SUMF1: variants seen among roughly 807,000 people sequenced by gnomAD.
SUMF1 encodes formylglycine-generating enzyme.
In SUMF1, 48 loss-of-function variants were observed where a neutral mutation model predicts 47.6. The ratio of observed to expected loss-of-function variants is 1.01; its 90% CI spans 0.80 to 1.28. The LOEUF is 1.28. Ranked by LOEUF, SUMF1 falls within the 50% of genes most tolerant of loss-of-function variation. The probability of loss-of-function intolerance (pLI) is 0.00; values close to 1 mark genes in which losing one functional copy is unlikely to be tolerated. For synonymous variants in SUMF1, 230 were observed against 192.1 expected (o/e 1.20, Z -1.63); for missense variants, 571 against 485.4 (o/e 1.18, Z -1.66).
At chr3:4,350,332 C>T (rs866347984) in intron 8 of SUMF1, among the ~76,000 whole-genome samples, 72 of 146,462 alleles carry the variant, frequency 4.9e-4, no homozygotes, top group Non-Finnish European at 8.4e-4. Context: ...TGTGTATATG[C>T]GTGTGTGTGT....
chr3:4,417,176 C>G lies in SUMF1; in HGVS notation c.792G>C (p.Glu264Asp). The G allele has an allele frequency of 1.2e-6, 2 of 1,614,064 alleles. No homozygotes were observed. Among genetic ancestry groups the G allele is most frequent in the Non-Finnish European group, 1.7e-6 (2 of 1,179,946 alleles). The change falls in exon 6 of 9, where the codon GAG becomes GAC. Residue 264 changes from glutamate to aspartate, a missense_variant. Glu to Asp is a conservative substitution (Grantham distance 45). Coordinates refer to ENST00000272902, the MANE Select transcript of SUMF1 (RefSeq NM_182760.4). ...GQHYANIWQG[E>D]FPVTNTGEDG... ...CCTCACCAGTGTTGGTCACCGGAAACTCGCCCTGCCAAATGTTGGCATAAT... is the reference window on the plus strand; with the variant it reads ...CCTCACCAGTGTTGGTCACCGGAAAGTCGCCCTGCCAAATGTTGGCATAAT...
intron 8 of SUMF1, among the ~76,000 whole-genome samples, chr3:4,176,369 G>C (rs1415292953): frequency 6.6e-6 from 1 of 152,188 alleles, no homozygotes; most frequent in Non-Finnish European, 1.5e-5. Flanking sequence ...CTAGAAGAGA[G>C]TGGGGGCCAA....
intron 8 of SUMF1, among the ~76,000 whole-genome samples, chr3:4,283,859 AAGAC>A (rs750943012): frequency 1.1e-4 from 16 of 152,092 alleles, no homozygotes; most frequent in Non-Finnish European, 1.6e-4. Context: ...CACTTTCAAA[AAGAC>A]AGTGCCTTTT....
chr3:4,235,554 T>C (rs1286863694), intron 8 of SUMF1, among the ~76,000 whole-genome samples: 1 of 152,072 alleles, frequency 6.6e-6, no homozygotes, highest in Non-Finnish European at 1.5e-5. Flanking sequence ...ATTACGCAAG[T>C]GCTAAAAATT....
intron 8 of SUMF1, among the ~76,000 whole-genome samples, chr3:4,146,416 G>T (rs1559509581): frequency 6.6e-6 from 1 of 151,942 alleles, no homozygotes; most frequent in Non-Finnish European, 1.5e-5. Flanking sequence ...GGGGGGGAAA[G>T]GTGAATGGAG....
At chr3:4,036,849 C>CAAA (rs3048145) in intron 9 of SUMF1, among the ~76,000 whole-genome samples, 4 of 75,130 alleles carry the variant, frequency 5.3e-5, no homozygotes, top group Middle Eastern at 8.2e-3. Context: ...GTCAGTGAGG[C>CAAA]AAAAAAAAAA....
chr3:4,293,128 C>A (rs1250052711), intron 8 of SUMF1, among the ~76,000 whole-genome samples: 1 of 152,120 alleles, frequency 6.6e-6, no homozygotes, highest in Non-Finnish European at 1.5e-5. Flanking sequence ...AAGCTAGAGT[C>A]AGGGTTCAGG....
chr3:4,449,359 A>G lies in SUMF1; in HGVS notation c.445-19T>C. On this transcript the variant is annotated intron_variant, in intron 2 of 8. Coordinates refer to ENST00000272902, the MANE Select transcript of SUMF1 (RefSeq NM_182760.4). ...TCTCAGCCTATAAGGAAGGTAGGAA[A>G]TAAAAATCCAGAAAAGGTTGTAGTA... 6.2e-7 allele frequency: 1 copy of G among 1,613,688 alleles called. No individual in the cohort carries two copies. The highest frequency in any genetic ancestry group is 8.5e-7 in the Non-Finnish European group (1 of 1,179,578).
intron 8 of SUMF1, among the ~76,000 whole-genome samples, chr3:4,073,715 A>G (rs953603075): frequency 2.0e-5 from 3 of 152,138 alleles, no homozygotes; most frequent in African/African-American, 7.2e-5. Context: ...CACACTTTAA[A>G]CCAACAAAGA....
At chr3:4,304,651 C>G (rs1232139839) in intron 8 of SUMF1, among the ~76,000 whole-genome samples, 2 of 152,314 alleles carry the variant, frequency 1.3e-5, no homozygotes, top group South Asian at 4.1e-4. Flanking sequence ...CTTTAACATC[C>G]ATTATCAACA....
chr3:4,055,732 G>T (rs1417611216), intron 9 of SUMF1, among the ~76,000 whole-genome samples: 1 of 152,116 alleles, frequency 6.6e-6, no homozygotes, highest in Non-Finnish European at 1.5e-5. Context: ...GCCTCCCAAA[G>T]TGCAAGGATT....
intron 8 of SUMF1, among the ~76,000 whole-genome samples, chr3:4,248,122 T>C (rs1371670796): frequency 6.6e-6 from 1 of 152,246 alleles, no homozygotes; most frequent in African/African-American, 2.4e-5. Flanking sequence ...GATTAACTGA[T>C]ATATTTTTGT....
At chr3:4,270,127 A>G (rs1697273981) in intron 8 of SUMF1, among the ~76,000 whole-genome samples, 1 of 152,166 alleles carries the variant, frequency 6.6e-6, no homozygotes, top group South Asian at 2.1e-4. Context: ...GAACAAACGA[A>G]GAAACTGGGG....
At chr3:4,348,345 G>C (rs1170050932) in intron 8 of SUMF1, among the ~76,000 whole-genome samples, 1 of 152,070 alleles carries the variant, frequency 6.6e-6, no homozygotes, top group Non-Finnish European at 1.5e-5. Context: ...GACCAATGGA[G>C]CAGAACAGAG....
chr3:4,300,535 T>C (rs147994019), intron 8 of SUMF1, among the ~76,000 whole-genome samples: 170 of 152,352 alleles, frequency 1.1e-3, no homozygotes, highest in African/African-American at 3.7e-3. Context: ...AAGGCTGATC[T>C]TTAATTTCTG....
intron 1 of SUMF1, among the ~76,000 whole-genome samples, chr3:4,459,100 G>C (rs1490702921): frequency 6.6e-6 from 1 of 152,064 alleles, no homozygotes; most frequent in African/African-American, 2.4e-5. Context: ...TTAGATAGAA[G>C]AAATTAGCTT....
At chr3:4,316,115 C>A in intron 8 of SUMF1, 43 of 465,360 alleles carry the variant, frequency 9.2e-5, no homozygotes, top group Middle Eastern at 6.0e-4. Context: ...TATTGGAATA[C>A]ATTCTTAAAT....
At chr3:4,306,015 A>G (rs867970953) in intron 8 of SUMF1, among the ~76,000 whole-genome samples, 1 of 152,208 alleles carries the variant, frequency 6.6e-6, no homozygotes, top group Non-Finnish European at 1.5e-5. Context: ...AATTCAACAA[A>G]TATTTATTGA....
intron 8 of SUMF1, among the ~76,000 whole-genome samples, chr3:4,286,581 C>G (rs979370709): frequency 1.6e-4 from 24 of 152,024 alleles, no homozygotes; most frequent in African/African-American, 5.8e-4. Flanking sequence ...TTTCATCACA[C>G]CAGCAGTCAT....
Sources: gnomAD v4.1 joint callset for allele counts (sites outside exome capture counted in the v4.1 genomes callset) on GRCh38, gnomAD v4.1.1 for gene constraint, MANE v1.5 for transcripts, NCBI Gene and HGNC (gene_info 2026-07-23, HGNC 2026-07-21) for gene names.